Variants in USP28 observed in about 807,000 individuals in gnomAD.
The protein encoded by USP28 is ubiquitin specific peptidase 28.
In USP28, 113 loss-of-function variants were observed where a neutral mutation model predicts 145.0. That is an observed-to-expected ratio of 0.78 (90% CI 0.67 to 0.91). The LOEUF (loss-of-function observed/expected upper bound fraction) is 0.91, where lower values mean the gene tolerates loss of function less well. USP28 is among the 40% of genes least tolerant of loss of function. The pLI is 0.00. For missense variants in USP28, 1,201 were observed against 1,289.6 expected (o/e 0.93, Z 1.05); for synonymous variants, 447 against 450.9 (o/e 0.99, Z 0.11).
intron 1 of USP28, among the ~76,000 whole-genome samples, chr11:113,854,719 A>G (rs1946861082): frequency 6.6e-6 from 1 of 152,152 alleles, no homozygotes; most frequent in Non-Finnish European, 1.5e-5. Context: ...TTTTTACTCT[A>G]AAGAACCAAC....
chr11:113,820,105 CA>C (rs761430956), intron 12 of USP28, among the ~76,000 whole-genome samples: 5 of 152,200 alleles, frequency 3.3e-5, no homozygotes, highest in African/African-American at 4.8e-5. Flanking sequence ...AAAAAATTTG[CA>C]ACCTCCAGCA....
exon 1 of USP28, chr11:113,875,562 C>T: frequency 3.6e-6 from 4 of 1,107,244 alleles, no homozygotes; most frequent in Non-Finnish European, 4.4e-6. Flanking sequence ...GGCCCAGCCT[C>T]TCAGGACTAG....
chr11:113,856,439 A>G (rs963066781), intron 1 of USP28, among the ~76,000 whole-genome samples: 17 of 152,234 alleles, frequency 1.1e-4, no homozygotes, highest in African/African-American at 4.1e-4. Context: ...AATAGCTAAC[A>G]TATACTGCTT....
intron 18 of USP28, among the ~76,000 whole-genome samples, chr11:113,807,383 A>AT (rs35233258): frequency 1.3e-5 from 2 of 151,066 alleles, no homozygotes; most frequent in South Asian, 2.1e-4. Context: ...CTTGTCAATG[A>AT]TTTTTTTTTT....
chr11:113,815,615 T>C (rs1488322662), intron 13 of USP28, among the ~76,000 whole-genome samples: 2 of 152,216 alleles, frequency 1.3e-5, no homozygotes, highest in African/African-American at 2.4e-5. Flanking sequence ...AAGGTTTAAA[T>C]AAATTAAGCA....
At chr11:113,853,218 G>A (rs895611160) in intron 2 of USP28, among the ~76,000 whole-genome samples, 1 of 147,438 alleles carries the variant, frequency 6.8e-6, no homozygotes, top group African/African-American at 2.5e-5. Context: ...AGCCCAGGAG[G>A]CAGAGGGCAG....
At position 113,803,846 on chromosome 11, in the gene USP28, T is replaced by G. The variant is rs1250421990; in HGVS notation, c.2690A>C (p.Lys897Thr). 10 of 1,613,892 alleles carry G rather than the reference T, an allele frequency of 6.2e-6. No individual in the cohort carries two copies. The South Asian group carries it at 8.8e-5, about 14-fold the overall frequency. ...GCCTGTTAGGAGATACACAGACACT[T>G]TTCGGAACAAACTATAATCTTCATG... Residue 897 changes from lysine (K) to threonine (T), a missense_variant, in exon 22 of 25, where the codon AAA becomes ACA. Physicochemically the swap from Lys to Thr is moderately conservative, Grantham distance 78. Coordinates refer to ENST00000003302, the Ensembl canonical transcript of USP28.
At chr11:113,820,532 T>G (rs1203160593) in intron 12 of USP28, 1 of 152,192 alleles carries the variant, frequency 6.6e-6, no homozygotes, top group South Asian at 2.1e-4. Context: ...CATTTCTCAG[T>G]ATGCCCTGTC....
In USP28 at chr11:113,839,355, C is replaced by G. The variant is rs189511261; in HGVS notation, c.534+1243G>C. Among the ~76,000 whole-genome samples, 292 of 152,272 alleles carry G rather than the reference C, an allele frequency of 1.9e-3. 1 individual carries two copies. Among genetic ancestry groups the G allele is most frequent in the African/African-American group, 6.8e-3 (282 of 41,562 alleles). ...ATCCCAGCACTTTGGAAGGCCAAAG[C>G]AGGTGGATCACTTGAGGTCAGGAGT... On this transcript the variant is annotated intron_variant, in intron 5 of 24. Transcript: ENST00000003302.
At chr11:113,810,587 T>C (rs1485329679) in intron 16 of USP28, among the ~76,000 whole-genome samples, 1 of 152,262 alleles carries the variant, frequency 6.6e-6, no homozygotes, top group Non-Finnish European at 1.5e-5. Context: ...TGAAGATTAC[T>C]TACTGTTCAT....
chr11:113,859,338 G>C (rs1187468366), intron 1 of USP28: 3 of 152,128 alleles, frequency 2.0e-5, no homozygotes, highest in Admixed American at 6.6e-5. Flanking sequence ...TAGCTATTAA[G>C]GGTCTAAGTG....
At chr11:113,802,844 A>G in intron 23 of USP28, among the ~76,000 whole-genome samples, 1 of 152,326 alleles carries the variant, frequency 6.6e-6, no homozygotes, top group South Asian at 2.1e-4. Context: ...TGAGAAAAGG[A>G]TCTGAGCTCA....
chr11:113,875,318 C>A (rs1358513625), intron 1 of USP28, 127 bp downstream of exon 1: 3 of 739,602 alleles, frequency 4.1e-6, no homozygotes. Flanking sequence ...CGCTGGCGGG[C>A]GCACCCCCTG....
chr11:113,809,046 A>T lies in USP28; in HGVS notation c.2164+17T>A. The T allele has an allele frequency of 6.2e-7, 1 of 1,609,750 alleles. No homozygotes were observed. Among genetic ancestry groups the T allele is most frequent in the Non-Finnish European group, 8.5e-7 (1 of 1,176,972 alleles). Reference sequence around the variant, plus strand: ...GAGATGTTACTGGATCACTGGCATAAATGCCTTCTCAGATACCTTGTGATG... The same window carrying T: ...GAGATGTTACTGGATCACTGGCATATATGCCTTCTCAGATACCTTGTGATG... On this transcript the variant is annotated intron_variant, in intron 17 of 24. Coordinates refer to ENST00000003302, the Ensembl canonical transcript of USP28.
rs1415315229 is a variant in USP28, at chr11:113,809,236, G to C, written c.1991C>G (p.Ser664Ter). 1 of 1,613,890 alleles carries C rather than the reference G, an allele frequency of 6.2e-7. No homozygotes were observed. Among genetic ancestry groups the C allele is most frequent in the African/African-American group, 1.3e-5 (1 of 74,944 alleles). The change falls in exon 17 of 25, where the codon TCA becomes TGA. Residue 664 changes from serine (S) to a stop codon, truncating the protein, a stop_gained. Transcript: ENST00000003302. LOFTEE classifies it high-confidence loss of function. ...GGCTTCCACTTCTGACATTTGATCT[G>C]ATTCAGTTGGGGCTGCCTCTGAGGA...
Position 113,863,643 on chromosome 11 carries a change from C to CA in USP28, c.58-9309dup, listed in dbSNP as rs71063528. 5.5e-3 allele frequency among the ~76,000 whole-genome samples: 693 copies of CA among 124,872 alleles called. 12 individuals carry two copies. The highest frequency in any genetic ancestry group is 0.032 in the South Asian group (121 of 3,784). The allele number at this position is 124,872 out of a possible 152,430, so 81.9% of individuals were successfully genotyped here. The stretch of plus-strand genomic sequence containing the variant: ...CTGGCAACAGAGTGAGACCCTGTCT[C>CA]AAAAAAAAAAAAAAAAATTAGGCCG... On this transcript the variant is annotated intron_variant, in intron 1 of 24. Transcript: ENST00000003302.
intron 24 of USP28, among the ~76,000 whole-genome samples, chr11:113,800,388 G>A (rs965749685): frequency 7.2e-5 from 11 of 151,878 alleles, no homozygotes; most frequent in South Asian, 2.1e-4. Flanking sequence ...CTGTAGCCTC[G>A]GCCTCCCAGA....
At chr11:113,867,360 G>A (rs927643203) in intron 1 of USP28, among the ~76,000 whole-genome samples, 5 of 151,792 alleles carry the variant, frequency 3.3e-5, no homozygotes, top group Admixed American at 6.6e-5. Flanking sequence ...GCTGCCTCCC[G>A]GGTTCAAGTG....
At position 113,826,646 on chromosome 11, in the gene USP28, G is replaced by A. The variant is rs546474099; in HGVS notation, c.1187+587C>T. Among the ~76,000 whole-genome samples, 32 of 151,932 alleles carry A rather than the reference G, an allele frequency of 2.1e-4. No homozygotes were observed. In the East Asian group the frequency reaches 2.2e-3, roughly 10 times the overall value. On this transcript the variant is annotated intron_variant, in intron 11 of 24. Transcript: ENST00000003302. Reference sequence around the variant, plus strand: ...ATAAAATTAAAATTCTAGGCCGGGCGCGGTGGCTCACACCTGTAATACCAG... The same window carrying A: ...ATAAAATTAAAATTCTAGGCCGGGCACGGTGGCTCACACCTGTAATACCAG...
Sources: allele counts gnomAD v4.1 joint callset (sites outside exome capture counted in the v4.1 genomes callset), GRCh38; gene constraint gnomAD v4.1.1; transcripts MANE v1.5; gene names NCBI Gene and HGNC (gene_info 2026-07-23, HGNC 2026-07-21).